AGT: variants seen among roughly 807,000 people sequenced by gnomAD.
The protein encoded by AGT is angiotensinogen.
In AGT, 26 loss-of-function variants were observed where a neutral mutation model predicts 28.1. That is an observed-to-expected ratio of 0.92 (90% CI 0.68 to 1.28). The LOEUF is 1.28. Ranked by LOEUF, AGT falls within the 50% of genes most tolerant of loss-of-function variation. The pLI is 0.00. For missense variants in AGT, 596 were observed against 592.3 expected (o/e 1.01, Z -0.06); for synonymous variants, 259 against 259.6 (o/e 1.00, Z 0.02).
At chr1:230,728,201 C>T (rs1663986421) in intron 1 of AGT, among the ~76,000 whole-genome samples, 1 of 152,198 alleles carries the variant, frequency 6.6e-6, no homozygotes, top group Middle Eastern at 3.4e-3. Flanking sequence ...CTGAAAAGGC[C>T]AATTTTAGGG....
At chr1:230,718,704 C>T (rs958491461), upstream of AGT, among the ~76,000 whole-genome samples, 5 of 148,382 alleles carry the variant, frequency 3.4e-5, no homozygotes, top group African/African-American at 1.0e-4. Context: ...TTGTAGCAAG[C>T]GGCACAGTTC....
intron 1 of AGT, among the ~76,000 whole-genome samples, chr1:230,744,129 G>A (rs1664299204): frequency 6.6e-6 from 1 of 152,208 alleles, no homozygotes; most frequent in Non-Finnish European, 1.5e-5. Context: ...CCCAAGCTCA[G>A]AGCCCTTTCC....
chr1:230,725,591 G>A (rs1012888162), intron 1 of AGT, among the ~76,000 whole-genome samples: 13 of 152,162 alleles, frequency 8.5e-5, no homozygotes, highest in African/African-American at 3.1e-4. Flanking sequence ...TTTTCCCACC[G>A]AAGCCCCATA....
rs780694785 is a variant in AGT at position 230,710,824 on chromosome 1, C to T, written c.-1G>A. 3.7e-6 allele frequency: 6 copies of T among 1,613,794 alleles called. No homozygotes were observed. The African/African-American group carries it at 8.0e-5, about 22-fold the overall frequency. Reference sequence around the variant, plus strand: ...TCAGGCTCACACCGGCAGGAGCCATCTCAGACTGGGGTGCTCGCTTCCGCA... The same window carrying T: ...TCAGGCTCACACCGGCAGGAGCCATTTCAGACTGGGGTGCTCGCTTCCGCA... On this transcript the variant is annotated 5_prime_UTR_variant, in exon 2 of 5. Transcript: ENST00000366667.
At chr1:230,723,420 C>T (rs1663882979) in intron 1 of AGT, among the ~76,000 whole-genome samples, 1 of 152,294 alleles carries the variant, frequency 6.6e-6, no homozygotes, top group African/African-American at 2.4e-5. Context: ...TTCAAGAATT[C>T]AATTCTATTA....
rs143479528 is a variant in AGT, at chr1:230,703,157, G to C, written c.1415C>G (p.Pro472Arg). The C allele has an allele frequency of 6.2e-7, 1 of 1,613,898 alleles. No homozygotes were observed. ...GCCCTGGCCTCATGCTGTGCTCAGCGGGTTGGCCACGCGGCCCAGGAAGTG... is the reference window on the plus strand; with the variant it reads ...GCCCTGGCCTCATGCTGTGCTCAGCCGGTTGGCCACGCGGCCCAGGAAGTG... ...ALHFLGRVANPLSTA is the reference protein window; with the variant it reads ...ALHFLGRVANRLSTA Residue 472 changes from proline (P) to arginine (R), a missense_variant, in exon 5 of 5, where the codon CCG (proline) becomes CGG (arginine). By Grantham distance (103) the Pro-to-Arg change is moderately radical. Coordinates refer to ENST00000366667, the MANE Select transcript of AGT (RefSeq NM_001384479.1).
upstream of AGT, among the ~76,000 whole-genome samples, chr1:230,718,722 C>CTTTTTT (rs1228887131): frequency 4.7e-3 from 551 of 118,408 alleles, 19 homozygotes; most frequent in East Asian, 0.012. Flanking sequence ...TTCCACACCG[C>CTTTTTT]TTTTTTTTTT....
intron 4 of AGT, among the ~76,000 whole-genome samples, chr1:230,703,608 T>C (rs1029464971): frequency 1.3e-5 from 2 of 152,224 alleles, no homozygotes; most frequent in Non-Finnish European, 2.9e-5. Context: ...CTTCACATTC[T>C]GCCCTGATGT....
chr1:230,715,681 C>A (rs11568016), upstream of AGT, among the ~76,000 whole-genome samples: 24,805 of 152,132 alleles, frequency 0.16, 2,401 homozygotes, highest in African/African-American at 0.27. Flanking sequence ...AGTAACAAGT[C>A]CACCTGGACA....
At chr1:230,720,040 G>A (rs1663813809) in intron 1 of AGT, among the ~76,000 whole-genome samples, 1 of 152,090 alleles carries the variant, frequency 6.6e-6, no homozygotes, top group Non-Finnish European at 1.5e-5. Flanking sequence ...GTGGATATTG[G>A]GATTGTAGGT....
rs546166053 is a variant in AGT, at chr1:230,710,984, A to T, written c.-30-131T>A. On this transcript the variant is annotated intron_variant, in intron 1 of 4. Transcript: ENST00000366667. Reference sequence around the variant, plus strand: ...CAGAATAAATCCATTCATGTCTACAAAAAAAAGAAGAAATGGATTCAAAGC... The same window carrying T: ...CAGAATAAATCCATTCATGTCTACATAAAAAAGAAGAAATGGATTCAAAGC... 6.6e-4 allele frequency: 806 copies of T among 1,226,804 alleles called. 2 individuals carry two copies. Among genetic ancestry groups the T allele is most frequent in the South Asian group, 3.0e-3 (216 of 71,450 alleles). The allele number at this position is 1,226,804 out of a possible 1,614,324, so 76.0% of individuals were successfully genotyped here. A position where few individuals can be genotyped will look rare whatever the true frequency, so the allele number is the denominator to read the frequency against.
At chr1:230,744,038 C>T (rs939965318) in intron 1 of AGT, among the ~76,000 whole-genome samples, 10 of 152,208 alleles carry the variant, frequency 6.6e-5, no homozygotes, top group African/African-American at 2.4e-4. Flanking sequence ...GCATGGCCCC[C>T]GCTTGGCTCA....
intron 4 of AGT, 95 bp from the exon 5 acceptor site, chr1:230,703,424 T>A (rs1326157235): frequency 7.8e-7 from 1 of 1,276,090 alleles, no homozygotes; most frequent in Non-Finnish European, 1.1e-6. Flanking sequence ...AGGACCTCTG[T>A]GCTGTGCACT....
At chr1:230,730,708 T>C (rs1046076312) in intron 1 of AGT, among the ~76,000 whole-genome samples, 5 of 152,138 alleles carry the variant, frequency 3.3e-5, no homozygotes, top group Non-Finnish European at 7.3e-5. Flanking sequence ...ATAATGAGAG[T>C]GTTTTCTTTC....
intron 1 of AGT, among the ~76,000 whole-genome samples, chr1:230,743,679 C>T (rs571043436): frequency 5.3e-5 from 8 of 152,340 alleles, no homozygotes; most frequent in Non-Finnish European, 1.2e-4. Flanking sequence ...GGCTGTTTGG[C>T]ATATCCCTCA....
chr1:230,742,171 AC>A (rs1280595866), intron 1 of AGT, among the ~76,000 whole-genome samples: 3 of 151,998 alleles, frequency 2.0e-5, no homozygotes, highest in Non-Finnish European at 4.4e-5. Flanking sequence ...TACTCCACCT[AC>A]CCCCAGAAAA....
At chr1:230,715,244 TA>T (rs981294320), upstream of AGT, among the ~76,000 whole-genome samples, 1 of 152,218 alleles carries the variant, frequency 6.6e-6, no homozygotes. Context: ...AATCTTCATT[TA>T]AAAAAATCAT....
At chr1:230,719,223 G>C (rs1419545403), upstream of AGT, among the ~76,000 whole-genome samples, 1 of 152,066 alleles carries the variant, frequency 6.6e-6, no homozygotes, top group African/African-American at 2.4e-5. Flanking sequence ...CCAGATGCCT[G>C]CTCCTCCTAT....
upstream of AGT, among the ~76,000 whole-genome samples, chr1:230,715,834 G>A (rs1663725262): frequency 6.6e-6 from 1 of 152,222 alleles, no homozygotes; most frequent in Non-Finnish European, 1.5e-5. Context: ...ACAAAACAAA[G>A]ATCCTGGTCT....
Sources: allele counts gnomAD v4.1 joint callset (sites outside exome capture counted in the v4.1 genomes callset), GRCh38; gene constraint gnomAD v4.1.1; transcripts MANE v1.5; gene names NCBI Gene and HGNC (gene_info 2026-07-23, HGNC 2026-07-21).